The following ABCB9 variants were observed in gnomAD, a reference collection of about 807,000 sequenced individuals.
ABCB9 encodes the protein ABC-type oligopeptide transporter ABCB9.
A neutral mutation model predicts 62.0 loss-of-function variants in ABCB9; 36 were observed. The observed-to-expected ratio is 0.58, with a 90% confidence interval of 0.45 to 0.77. ABCB9 has a LOEUF of 0.77. ABCB9 is among the 30% of genes least tolerant of loss of function. ABCB9 has a pLI of 0.00. For missense variants in ABCB9, 943 were observed against 1,054.7 expected (o/e 0.89, Z 1.47); for synonymous variants, 435 against 461.4 (o/e 0.94, Z 0.73).
chr12:122,941,093 G>T, intron 7 of ABCB9, 98 bp from the exon 8 acceptor site: 1 of 1,361,940 alleles, frequency 7.3e-7, no homozygotes, highest in Non-Finnish European at 9.8e-7. Flanking sequence ...AAAGCAAGGA[G>T]TTCTGGCGGG....
chr12:122,969,181 C>A (rs371603856), upstream of ABCB9, among the ~76,000 whole-genome samples: 183 of 148,686 alleles, frequency 1.2e-3, 8 homozygotes, highest in African/African-American at 4.2e-3. Flanking sequence ...TCCACCCCCC[C>A]CCCCCCCCCG....
intron 5 of ABCB9, among the ~76,000 whole-genome samples, chr12:122,946,694 G>A (rs1022606400): frequency 6.6e-6 from 1 of 152,244 alleles, no homozygotes; most frequent in African/African-American, 2.4e-5. Context: ...CCTGAGGGTT[G>A]ATAAAGAGAT....
intron 4 of ABCB9, among the ~76,000 whole-genome samples, chr12:122,949,484 C>T (rs1009156514): frequency 2.0e-5 from 3 of 152,180 alleles, no homozygotes; most frequent in African/African-American, 4.8e-5. Flanking sequence ...CGGCCACAGG[C>T]GTGGGTAGTC....
Position 122,965,352 on chromosome 12 carries a change from C to T in ABCB9, c.-88+935G>A, listed in dbSNP as rs1006940370. 2.6e-5 allele frequency among the ~76,000 whole-genome samples: 4 copies of T among 152,352 alleles called. 1 individual carries two copies. The East Asian group carries it at 7.7e-4, about 29-fold the overall frequency. On this transcript the variant is annotated intron_variant, in intron 1 of 11. Coordinates refer to ENST00000280560, the MANE Select transcript of ABCB9 (RefSeq NM_019625.4). ...GGTGAGCTTTTTACCCCGGTGTGGG[C>T]CCAGACCCAGATAAGCCCATTCCAT... is the stretch of plus-strand genomic sequence containing the variant.
chr12:122,959,676 A>C lies in ABCB9; in HGVS notation c.560T>G (p.Phe187Cys). Residue 187 changes from phenylalanine to cysteine, a missense_variant, in exon 2 of 12, where the codon TTC becomes TGC. Coordinates refer to ENST00000280560, the MANE Select transcript of ABCB9 (RefSeq NM_019625.4). The surrounding 1 kb of genome is among the most constrained non-coding windows in gnomAD (Gnocchi z 5.4). ...LLSYTKPDVA[F>C]LVAASFFLIV... Reference sequence around the variant, plus strand: ...GAGGAAGAAGGAGGCGGCCACGAGGAAGGCCACGTCGGGCTTGGTGTAGGA... The same window carrying C: ...GAGGAAGAAGGAGGCGGCCACGAGGCAGGCCACGTCGGGCTTGGTGTAGGA... 1.3e-6 allele frequency: 2 copies of C among 1,584,970 alleles called. No homozygotes were observed. Among genetic ancestry groups the C allele is most frequent in the Non-Finnish European group, 1.7e-6 (2 of 1,160,080 alleles).
At chr12:122,963,031 C>T (rs1342889861) in intron 1 of ABCB9, among the ~76,000 whole-genome samples, 5 of 152,232 alleles carry the variant, frequency 3.3e-5, no homozygotes, top group Non-Finnish European at 1.5e-5. Context: ...TGGTGGCTCA[C>T]ACCTGTAATC....
upstream of ABCB9, among the ~76,000 whole-genome samples, chr12:122,970,658 C>T (rs982719647): frequency 6.6e-6 from 1 of 152,132 alleles, no homozygotes; most frequent in African/African-American, 2.4e-5. Context: ...TGTATTGAAA[C>T]ATCACTACAT....
chr12:122,921,840 T>A (rs890908420), intron 11 of ABCB9, among the ~76,000 whole-genome samples: 4 of 151,938 alleles, frequency 2.6e-5, no homozygotes, highest in Admixed American at 6.6e-5. Context: ...AAAAAAAAAA[T>A]TTAAAAAATT....
downstream of ABCB9, chr12:122,928,849 TG>T: frequency 4.6e-6 from 1 of 217,636 alleles, no homozygotes; most frequent in Non-Finnish European, 7.8e-6. Context: ...GGAGTGCAGA[TG>T]GGGCTCCCAG....
At chr12:122,963,212 C>T (rs2037003150) in intron 1 of ABCB9, among the ~76,000 whole-genome samples, 1 of 152,180 alleles carries the variant, frequency 6.6e-6, no homozygotes, top group Non-Finnish European at 1.5e-5. Flanking sequence ...GCAGAAGAAT[C>T]ACTTGAAACT....
In ABCB9 at chr12:122,932,162, C is replaced by A; in HGVS notation, c.2040+30G>T. 2 of 1,551,114 alleles carry A rather than the reference C, an allele frequency of 1.3e-6. No homozygotes were observed. The highest frequency in any genetic ancestry group is 2.4e-5 in the South Asian group (2 of 84,016). On this transcript the variant is annotated intron_variant, in intron 11 of 11. Coordinates refer to ENST00000280560, the MANE Select transcript of ABCB9 (RefSeq NM_019625.4). The surrounding 1 kb of genome is among the most constrained non-coding windows in gnomAD (Gnocchi z 4.7). ...TCTGGCCACCTGGAGCCGCTCCTGC[C>A]CCCGCATTGCCCACCACCCTGTGAC...
At chr12:122,924,939 CAG>C (rs1302031125), downstream of ABCB9, 29 of 984,902 alleles carry the variant, frequency 2.9e-5, no homozygotes, top group East Asian at 7.8e-4. Flanking sequence ...GTTTTTGAGA[CAG>C]AGTCTCACTC....
intron 11 of ABCB9, chr12:122,931,913 G>C (rs2035188485): frequency 3.9e-6 from 2 of 514,332 alleles, no homozygotes; most frequent in Admixed American, 3.3e-5. Flanking sequence ...CAAAGTGCTG[G>C]GATTACAGGT....
upstream of ABCB9, chr12:122,966,471 G>C (rs61955196): frequency 0.54 from 82,345 of 152,050 alleles, 26,770 homozygotes; most frequent in Non-Finnish European, 0.7. Context: ...ACTGGCGTGC[G>C]TTGAGACAGG....
upstream of ABCB9, among the ~76,000 whole-genome samples, chr12:122,968,674 C>G (rs530013379): frequency 2.0e-4 from 24 of 120,282 alleles, no homozygotes; most frequent in Non-Finnish European, 1.6e-4. Flanking sequence ...GAGTCTTGCT[C>G]TGACACCCAG....
At position 122,959,206 on chromosome 12, in the gene ABCB9, G is replaced by A. The variant is rs1015000503; in HGVS notation, c.601+429C>T. On this transcript the variant is annotated intron_variant, in intron 2 of 11. Transcript: ENST00000280560. The surrounding 1 kb of genome is among the most constrained non-coding windows in gnomAD (Gnocchi z 5.4). ...GTTTCTACTAAAAATACAAAAATTA[G>A]TTGGGTGTGGTGGCATATGCCTGTA... 1.3e-5 allele frequency among the ~76,000 whole-genome samples: 2 copies of A among 151,612 alleles called. No homozygotes were observed. Among genetic ancestry groups the A allele is most frequent in the Non-Finnish European group, 2.9e-5 (2 of 67,910 alleles).
chr12:122,948,390 C>A, intron 5 of ABCB9: 1 of 440,372 alleles, frequency 2.3e-6, no homozygotes, highest in Non-Finnish European at 4.0e-6. Flanking sequence ...ACACTAGATA[C>A]AAGTTCCAGG....
In ABCB9 at chr12:122,940,957, C is replaced by T. The variant is rs539473387; in HGVS notation, c.1419G>A (p.Val473=). 205 of 1,612,294 alleles carry T rather than the reference C, an allele frequency of 1.3e-4. 1 individual carries two copies. In the South Asian group the frequency reaches 2.1e-3, roughly 16 times the overall value. Residue 473 remains valine, a synonymous_variant, in exon 8 of 12, where the codon GTG becomes GTA. Coordinates refer to ENST00000280560, the MANE Select transcript of ABCB9 (RefSeq NM_019625.4). This position sits in a 1 kb window ranked among gnomAD's most constrained non-coding sequence, Gnocchi z 4.8. ...ACTCGAACACCTTCTCAGCAGCCCC[C>T]ACTCCCTGCATCAGGCCACTGTAGA... ...GSVYSGLMQG[V]GAAEKVFEFI...
intron 2 of ABCB9, among the ~76,000 whole-genome samples, chr12:122,954,541 G>A (rs929140915): frequency 2.6e-5 from 4 of 151,972 alleles, no homozygotes; most frequent in Non-Finnish European, 5.9e-5. Context: ...CACCCAGGCT[G>A]GAGTGCAGTG....
Sources: allele counts gnomAD v4.1 joint callset (sites outside exome capture counted in the v4.1 genomes callset), GRCh38; gene constraint gnomAD v4.1.1; non-coding constraint Gnocchi (gnomAD v3.1); transcripts MANE v1.5; gene names NCBI Gene and HGNC (gene_info 2026-07-23, HGNC 2026-07-21).